The following DTD1 variants were observed in gnomAD, a reference collection of about 807,000 sequenced individuals.
DTD1 encodes the protein D-aminoacyl-tRNA deacylase 1.
DTD1 carries 13 observed loss-of-function variants against 25.6 expected under a neutral mutation model. The observed-to-expected ratio is 0.51, with a 90% CI of 0.33 to 0.81. The LOEUF (loss-of-function observed/expected upper bound fraction) is 0.81. Among genes scored for constraint, DTD1 ranks in the 30% least tolerant of loss-of-function variants. DTD1 has a pLI of 0.02. For missense variants in DTD1, 193 were observed against 266.4 expected (o/e 0.72, Z 1.92); for synonymous variants, 110 against 103.6 (o/e 1.06, Z -0.37).
intron 4 of DTD1, among the ~76,000 whole-genome samples, chr20:18,694,755 C>T (rs1049584776): frequency 6.6e-6 from 1 of 152,106 alleles, no homozygotes; most frequent in Non-Finnish European, 1.5e-5. Context: ...ATACAGGTCA[C>T]AAATTGCATT....
intron 4 of DTD1, among the ~76,000 whole-genome samples, chr20:18,688,138 A>G (rs1266439310): frequency 1.3e-5 from 2 of 152,232 alleles, no homozygotes; most frequent in Non-Finnish European, 2.9e-5. Context: ...TTATGTCAGT[A>G]TAAGAACATA....
intron 4 of DTD1, among the ~76,000 whole-genome samples, chr20:18,708,242 A>ATTG (rs373880898): frequency 3.2e-5 from 1 of 31,718 alleles, no homozygotes; most frequent in Non-Finnish European, 4.7e-5. Flanking sequence ...TTATATATAT[A>ATTG]TAATATATAT....
chr20:18,714,650 G>A (rs62217025), intron 4 of DTD1, among the ~76,000 whole-genome samples: 2 of 152,010 alleles, frequency 1.3e-5, no homozygotes, highest in East Asian at 1.9e-4. Flanking sequence ...CAAGGCCATC[G>A]TCTAAGTGGG....
At chr20:18,629,523 C>T (rs1316256137) in intron 4 of DTD1, among the ~76,000 whole-genome samples, 1 of 151,800 alleles carries the variant, frequency 6.6e-6, no homozygotes, top group Non-Finnish European at 1.5e-5. Flanking sequence ...TGGTCTTGAA[C>T]TCCTGGGCTC....
chr20:18,715,573 T>C (rs911072664), intron 4 of DTD1, among the ~76,000 whole-genome samples: 4 of 152,114 alleles, frequency 2.6e-5, no homozygotes, highest in Admixed American at 1.3e-4. Flanking sequence ...TTAAACCAAG[T>C]CACAAAGTAA....
At chr20:18,714,521 T>C (rs2061172393) in intron 4 of DTD1, among the ~76,000 whole-genome samples, 1 of 152,210 alleles carries the variant, frequency 6.6e-6, no homozygotes. Flanking sequence ...TTAGGATAAG[T>C]AGTTTTTTCC....
At chr20:18,713,102 C>A (rs894698523) in intron 4 of DTD1, among the ~76,000 whole-genome samples, 9 of 152,282 alleles carry the variant, frequency 5.9e-5, no homozygotes. Flanking sequence ...AGCCTCTGCT[C>A]CCCCTCCCAT....
chr20:18,683,764 A>T (rs1031591345), intron 4 of DTD1, among the ~76,000 whole-genome samples: 1 of 152,196 alleles, frequency 6.6e-6, no homozygotes, highest in African/African-American at 2.4e-5. Context: ...CAGTATTCCC[A>T]GAGGTGGGAT....
At chr20:18,619,295 C>T (rs1230735528) in intron 3 of DTD1, among the ~76,000 whole-genome samples, 1 of 152,202 alleles carries the variant, frequency 6.6e-6, no homozygotes, top group Non-Finnish European at 1.5e-5. Context: ...ATTTTGATCC[C>T]TAAGCAGTAG....
intron 5 of DTD1, among the ~76,000 whole-genome samples, chr20:18,746,090 G>A (rs999868742): frequency 4.6e-5 from 7 of 152,164 alleles, no homozygotes; most frequent in African/African-American, 1.4e-4. Context: ...GAGGAAGATG[G>A]GGGTTGCTGA....
chr20:18,626,404 A>T (rs1416450350), intron 3 of DTD1, among the ~76,000 whole-genome samples: 1 of 152,186 alleles, frequency 6.6e-6, no homozygotes, highest in East Asian at 1.9e-4. Flanking sequence ...AGATGAGTTC[A>T]TGGGTGGTTA....
chr20:18,735,720 C>CTTGAG (rs983119741), intron 4 of DTD1, among the ~76,000 whole-genome samples: 1 of 152,080 alleles, frequency 6.6e-6, no homozygotes, highest in Non-Finnish European at 1.5e-5. Context: ...AAGAATAAGT[C>CTTGAG]TTGAGTTGAG....
chr20:18,648,902 G>T (rs1022405564), intron 4 of DTD1, among the ~76,000 whole-genome samples: 1 of 148,058 alleles, frequency 6.8e-6, no homozygotes, highest in East Asian at 2.0e-4. Flanking sequence ...AGGCTGAGGC[G>T]GGAGAATGAC....
intron 4 of DTD1, among the ~76,000 whole-genome samples, chr20:18,731,690 C>T (rs2061239512): frequency 6.6e-6 from 1 of 152,166 alleles, no homozygotes; most frequent in Non-Finnish European, 1.5e-5. Context: ...TCTTCACTCC[C>T]TACTACTTTC....
chr20:18,682,006 G>A (rs957495697), intron 4 of DTD1, among the ~76,000 whole-genome samples: 2 of 152,208 alleles, frequency 1.3e-5, no homozygotes, highest in African/African-American at 2.4e-5. Flanking sequence ...GCCATGGGAG[G>A]GAGGAACTGG....
At chr20:18,747,795 G>A (rs1438120023) in intron 5 of DTD1, among the ~76,000 whole-genome samples, 3 of 151,490 alleles carry the variant, frequency 2.0e-5, no homozygotes, top group Non-Finnish European at 2.9e-5. Context: ...GGCGGATCAC[G>A]AGGTCAAGAG....
intron 4 of DTD1, among the ~76,000 whole-genome samples, chr20:18,674,132 T>C (rs931738064): frequency 2.6e-5 from 4 of 152,226 alleles, no homozygotes; most frequent in African/African-American, 9.6e-5. Context: ...GATATTAATA[T>C]ACAGAGAAAC....
chr20:18,590,322 G>C (rs1159732228), intron 1 of DTD1, among the ~76,000 whole-genome samples: 1 of 152,054 alleles, frequency 6.6e-6, no homozygotes, highest in African/African-American at 2.4e-5. Flanking sequence ...GACTACAGGC[G>C]TGTGCCGCCA....
rs2060655225 is a variant in DTD1 at position 18,605,960 on chromosome 20, C to T, written c.370+9719C>T. Reference sequence around the variant, plus strand: ...ATTAAACTAAAGTGCTTCTGCACAGCAAAAGAAACTACCATCAGAGTGAAC... The same window carrying T: ...ATTAAACTAAAGTGCTTCTGCACAGTAAAAGAAACTACCATCAGAGTGAAC... On this transcript the variant is annotated intron_variant, in intron 3 of 5. Coordinates refer to ENST00000377452, the MANE Select transcript of DTD1 (RefSeq NM_080820.6). Among the ~76,000 whole-genome samples the T allele has an allele frequency of 1.0e-4, 15 of 148,946 alleles. No homozygotes were observed. The South Asian group carries it at 3.2e-3, about 31-fold the overall frequency.
Sources: allele counts gnomAD v4.1 joint callset (sites outside exome capture counted in the v4.1 genomes callset), GRCh38; gene constraint gnomAD v4.1.1; transcripts MANE v1.5; gene names NCBI Gene and HGNC (gene_info 2026-07-23, HGNC 2026-07-21).